CLDN10: variants seen among roughly 807,000 people sequenced by gnomAD.
The protein encoded by CLDN10 is claudin 10.
Under a neutral mutation model 22.9 loss-of-function variants are expected in CLDN10, and 15 were observed. The ratio of observed to expected loss-of-function variants is 0.65; its 90% CI spans 0.44 to 1.01. The LOEUF (loss-of-function observed/expected upper bound fraction) is 1.01, where lower values mean the gene tolerates loss of function less well. Among genes scored for constraint, CLDN10 ranks in the 50% least tolerant of loss-of-function variants. CLDN10 has a pLI of 0.00. For missense variants in CLDN10, 247 were observed against 287.8 expected, an observed-to-expected ratio of 0.86 and a Z score of 1.03; for synonymous variants, 114 against 111.4, an observed-to-expected ratio of 1.02 and a Z score of -0.15.
chr13:95,502,841 G>A (rs1324215252), intron 1 of CLDN10, among the ~76,000 whole-genome samples: 2 of 152,294 alleles, frequency 1.3e-5, no homozygotes, highest in Admixed American at 1.3e-4. Flanking sequence ...TTTAAGTGAG[G>A]GGGATGTGCA....
chr13:95,473,927 T>C (rs1033599427), intron 1 of CLDN10, among the ~76,000 whole-genome samples: 2 of 152,194 alleles, frequency 1.3e-5, no homozygotes, highest in East Asian at 1.9e-4. Context: ...TATTAGAATG[T>C]AATGCAATAG....
intron 1 of CLDN10, among the ~76,000 whole-genome samples, chr13:95,506,328 G>A: frequency 6.6e-6 from 1 of 152,162 alleles, no homozygotes; most frequent in Non-Finnish European, 1.5e-5. Flanking sequence ...AACTATGATG[G>A]AGTTTTCTTA....
chr13:95,517,604 T>C (rs1437128259), intron 1 of CLDN10, among the ~76,000 whole-genome samples: 2 of 152,166 alleles, frequency 1.3e-5, no homozygotes, highest in Non-Finnish European at 2.9e-5. Context: ...GAGAATTTCC[T>C]GACAAGATTC....
At chr13:95,533,220 A>G (rs994625465) in intron 1 of CLDN10, among the ~76,000 whole-genome samples, 1 of 151,600 alleles carries the variant, frequency 6.6e-6, no homozygotes, top group African/African-American at 2.4e-5. Flanking sequence ...ATTCCAAAAA[A>G]AAAAAAAAGA....
At chr13:95,503,807 T>C (rs1195266567) in intron 1 of CLDN10, among the ~76,000 whole-genome samples, 2 of 152,090 alleles carry the variant, frequency 1.3e-5, no homozygotes, top group Non-Finnish European at 2.9e-5. Flanking sequence ...TGGCACAAAG[T>C]AGAATGGTGG....
At chr13:95,566,970 A>G (rs1275127670) in intron 3 of CLDN10, among the ~76,000 whole-genome samples, 1 of 151,970 alleles carries the variant, frequency 6.6e-6, no homozygotes, top group African/African-American at 2.4e-5. Flanking sequence ...GTTCTGTTCC[A>G]TTGGTCTATA....
At chr13:95,482,424 C>T (rs1249760094) in intron 1 of CLDN10, among the ~76,000 whole-genome samples, 1 of 152,148 alleles carries the variant, frequency 6.6e-6, no homozygotes, top group Admixed American at 6.5e-5. Context: ...ACAAAGCCCA[C>T]ATGAAGCTGC....
intron 1 of CLDN10, among the ~76,000 whole-genome samples, chr13:95,471,230 G>C: frequency 6.6e-6 from 1 of 151,942 alleles, no homozygotes; most frequent in Admixed American, 6.6e-5. Context: ...AAAGAGTAAG[G>C]CATGTTGGAG....
rs78314626 is a variant in CLDN10 at position 95,553,706 on chromosome 13, C to T, written c.220+733C>T. 5.3e-5 allele frequency among the ~76,000 whole-genome samples: 8 copies of T among 152,320 alleles called. No homozygotes were observed. In the East Asian group the frequency reaches 1.5e-3, roughly 29 times the overall value. On this transcript the variant is annotated intron_variant, in intron 1 of 4. Transcript: ENST00000299339. ...GCCGGGAGCTGACCAGTTCTGCATC[C>T]GAGTCCCCGGTGCCTGCTGCTGTCC...
At chr13:95,565,805 G>A (rs1292535049) in intron 3 of CLDN10, among the ~76,000 whole-genome samples, 1 of 142,716 alleles carries the variant, frequency 7.0e-6, no homozygotes, top group Non-Finnish European at 1.5e-5. Context: ...GCCCCAGTGT[G>A]TGATGTTCCC....
intron 1 of CLDN10, among the ~76,000 whole-genome samples, chr13:95,483,299 G>T (rs1367837807): frequency 6.6e-6 from 1 of 152,176 alleles, no homozygotes; most frequent in Non-Finnish European, 1.5e-5. Flanking sequence ...CCCTTAGGGT[G>T]AAAATTATCT....
intron 1 of CLDN10, among the ~76,000 whole-genome samples, chr13:95,523,960 A>G (rs1014954895): frequency 1.3e-5 from 2 of 152,198 alleles, no homozygotes; most frequent in African/African-American, 4.8e-5. Context: ...GTTGGGAACA[A>G]CTGGTCTACT....
chr13:95,485,257 C>T (rs1047371726), intron 1 of CLDN10, among the ~76,000 whole-genome samples: 2 of 151,592 alleles, frequency 1.3e-5, no homozygotes, highest in African/African-American at 4.8e-5. Context: ...CTGACGGGGA[C>T]CTGAAGCCTA....
At chr13:95,529,677 C>G (rs567726037) in intron 1 of CLDN10, among the ~76,000 whole-genome samples, 1 of 152,190 alleles carries the variant, frequency 6.6e-6, no homozygotes, top group South Asian at 2.1e-4. Context: ...CTGATAATCT[C>G]TTTTCTTTCC....
chr13:95,499,601 A>C (rs538066552), intron 1 of CLDN10, among the ~76,000 whole-genome samples: 109 of 152,348 alleles, frequency 7.2e-4, no homozygotes, highest in Non-Finnish European at 6.2e-4. Flanking sequence ...GCTGACAGGC[A>C]GATAGACAGG....
chr13:95,520,004 G>A (rs2043208275), intron 1 of CLDN10, among the ~76,000 whole-genome samples: 1 of 133,432 alleles, frequency 7.5e-6, no homozygotes, highest in Non-Finnish European at 1.6e-5. Context: ...TCTTTACAAT[G>A]TTTGGGGAAT....
chr13:95,497,814 G>A (rs2042944365), intron 1 of CLDN10, among the ~76,000 whole-genome samples: 1 of 152,142 alleles, frequency 6.6e-6, no homozygotes, highest in African/African-American at 2.4e-5. Flanking sequence ...ACAGGCCACT[G>A]AATACTAGAA....
intron 1 of CLDN10, among the ~76,000 whole-genome samples, chr13:95,450,520 CA>C (rs2042423219): frequency 6.6e-6 from 1 of 152,242 alleles, no homozygotes; most frequent in South Asian, 2.1e-4. Flanking sequence ...AGGCTTTCGC[CA>C]AGCTTCCTCC....
At chr13:95,519,839 G>C (rs547659876) in intron 1 of CLDN10, among the ~76,000 whole-genome samples, 1 of 152,316 alleles carries the variant, frequency 6.6e-6, no homozygotes, top group Admixed American at 6.5e-5. Context: ...AGGTAAAGAG[G>C]AAAGGGAGAG....
Sources: allele counts gnomAD v4.1 joint callset (sites outside exome capture counted in the v4.1 genomes callset), GRCh38; gene constraint gnomAD v4.1.1; transcripts MANE v1.5; gene names NCBI Gene and HGNC (gene_info 2026-07-23, HGNC 2026-07-21).